Variants in SORBS2 observed in about 807,000 individuals in gnomAD.
The protein encoded by SORBS2 is sorbin and SH3 domain containing 2, also known as sorbin and SH3 domain-containing protein 2.
SORBS2 carries 46 observed loss-of-function variants against 97.7 expected under a neutral mutation model. The observed-to-expected ratio is 0.47, with a 90% CI of 0.37 to 0.60. The LOEUF (loss-of-function observed/expected upper bound fraction) is 0.60. Among genes scored for constraint, SORBS2 ranks in the 20% least tolerant of loss-of-function variants. The pLI is 0.00. For synonymous variants in SORBS2, 476 were observed against 473.4 expected, an observed-to-expected ratio of 1.01 and a Z score of -0.07; for missense variants, 1,316 against 1,282.3, an observed-to-expected ratio of 1.03 and a Z score of -0.40.
chr4:185,930,455 G>T (rs899477921), intron 1 of SORBS2, among the ~76,000 whole-genome samples: 1 of 151,532 alleles, frequency 6.6e-6, no homozygotes, highest in East Asian at 1.9e-4. Flanking sequence ...CCACCACCAC[G>T]CCCGGCTAAT....
chr4:185,935,655 C>T (rs1162034149), intron 1 of SORBS2, among the ~76,000 whole-genome samples: 1 of 152,108 alleles, frequency 6.6e-6, no homozygotes, highest in Non-Finnish European at 1.5e-5. Flanking sequence ...TAATTATCAC[C>T]AATTTGAAGC....
At chr4:185,926,087 G>C (rs1480999047) in intron 1 of SORBS2, among the ~76,000 whole-genome samples, 2 of 151,998 alleles carry the variant, frequency 1.3e-5, no homozygotes, top group Admixed American at 1.3e-4. Context: ...AGCTGAAACA[G>C]AGCTGGAGAG....
chr4:185,837,519 A>G (rs2099208760), intron 1 of SORBS2, among the ~76,000 whole-genome samples: 1 of 152,246 alleles, frequency 6.6e-6, no homozygotes, highest in Non-Finnish European at 1.5e-5. Flanking sequence ...CGTTAATCAA[A>G]TGCAACTAGG....
chr4:185,806,434 C>CTGTTTTTTTTTTT lies in SORBS2; in HGVS notation c.-337-31069_-337-31068insAAAAAAAAAAACA, dbSNP rs2099153884. Among the ~76,000 whole-genome samples, 38 of 108,150 alleles carry CTGTTTTTTTTTTT rather than the reference C, an allele frequency of 3.5e-4. 15 individuals are homozygous for CTGTTTTTTTTTTT. Among genetic ancestry groups the CTGTTTTTTTTTTT allele is most frequent in the African/African-American group, 1.0e-3 (28 of 27,296 alleles). The allele number at this position is 108,150 out of a possible 152,430, so 71.0% of individuals were successfully genotyped here. ...AGTGGCACAGCTCTTGGCTAGAATCCTATTTTTTTTTTTTTTTTTTTTTTT... is the reference window on the plus strand; with the variant it reads ...AGTGGCACAGCTCTTGGCTAGAATCCTGTTTTTTTTTTTTATTTTTTTTTTTTTTTTTTTTTTT... On this transcript the variant is annotated intron_variant, in intron 1 of 20. Transcript: ENST00000284776.
intron 1 of SORBS2, among the ~76,000 whole-genome samples, chr4:185,938,298 A>G (rs11934657): frequency 0.94 from 142,435 of 151,836 alleles, 66,924 homozygotes; most frequent in East Asian, 1. Context: ...ACGCCTGACC[A>G]AGAAATTATT....
At chr4:185,628,935 C>T (rs1308794699) in intron 5 of SORBS2, among the ~76,000 whole-genome samples, 1 of 152,218 alleles carries the variant, frequency 6.6e-6, no homozygotes, top group Non-Finnish European at 1.5e-5. Flanking sequence ...TATGGCACAG[C>T]ACACTGTGCA....
intron 2 of SORBS2, among the ~76,000 whole-genome samples, chr4:185,744,111 T>C (rs904462041): frequency 3.4e-5 from 5 of 145,996 alleles, no homozygotes; most frequent in African/African-American, 7.6e-5. Flanking sequence ...CTTCTCCCCC[T>C]CCTCCTCCTT....
chr4:185,767,424 C>A (rs1346931894), intron 2 of SORBS2, among the ~76,000 whole-genome samples: 5 of 135,932 alleles, frequency 3.7e-5, no homozygotes, highest in Admixed American at 8.4e-5. Flanking sequence ...GGCGTGAACC[C>A]GGGAGGCGGA....
At chr4:185,951,199 C>T (rs528638760) in intron 1 of SORBS2, among the ~76,000 whole-genome samples, 1 of 152,342 alleles carries the variant, frequency 6.6e-6, no homozygotes, top group South Asian at 2.1e-4. Flanking sequence ...GCTACCACTT[C>T]AGGCACATCA....
At chr4:185,689,114 A>G (rs1172939054) in intron 2 of SORBS2, among the ~76,000 whole-genome samples, 1 of 152,230 alleles carries the variant, frequency 6.6e-6, no homozygotes, top group Non-Finnish European at 1.5e-5. Context: ...TAGGAAGGTT[A>G]ATTATTGAGT....
intron 2 of SORBS2, among the ~76,000 whole-genome samples, chr4:185,683,227 GTTTT>G (rs76783528): frequency 8.7e-6 from 1 of 115,472 alleles, no homozygotes; most frequent in East Asian, 2.5e-4. Flanking sequence ...AGTGTGAAAT[GTTTT>G]TTTTTTCTTT....
At chr4:185,841,775 C>T (rs575446316) in intron 1 of SORBS2, among the ~76,000 whole-genome samples, 1 of 152,262 alleles carries the variant, frequency 6.6e-6, no homozygotes, top group South Asian at 2.1e-4. Context: ...CTGACTTTTG[C>T]TTCTTTAAGG....
chr4:185,627,271 G>A (rs182037753), intron 5 of SORBS2, among the ~76,000 whole-genome samples: 1 of 152,346 alleles, frequency 6.6e-6, no homozygotes, highest in African/African-American at 2.4e-5. Context: ...GCGCAGTGGT[G>A]CAATCACAGC....
At chr4:185,724,634 T>C (rs371747860) in intron 2 of SORBS2, among the ~76,000 whole-genome samples, 1 of 152,256 alleles carries the variant, frequency 6.6e-6, no homozygotes, top group South Asian at 2.1e-4. Context: ...AACAATTTAG[T>C]GTGACCTCAA....
At chr4:185,649,339 T>C (rs971642285) in intron 3 of SORBS2, 128 bp downstream of exon 12, 1 of 731,066 alleles carries the variant, frequency 1.4e-6, no homozygotes, top group Non-Finnish European at 2.1e-6. Context: ...ATATGGTATA[T>C]GTATAGACTA....
chr4:185,635,774 C>T lies in SORBS2; in HGVS notation c.397-5176G>A, dbSNP rs115558178. 6.5e-3 allele frequency among the ~76,000 whole-genome samples: 989 copies of T among 152,292 alleles called. 10 individuals are homozygous for T. Among genetic ancestry groups the T allele is most frequent in the African/African-American group, 0.023 (946 of 41,548 alleles). On this transcript the variant is annotated intron_variant, in intron 4 of 14. Coordinates refer to ENST00000418609, the Ensembl canonical transcript of SORBS2. ...CATGCTGGTGAGTTTCCATGTGTGA[C>T]TGAAAATGATTATGGAAAATGCTGA... is the stretch of plus-strand genomic sequence containing the variant.
intron 4 of SORBS2, among the ~76,000 whole-genome samples, chr4:185,666,815 T>C (rs1340763132): frequency 1.3e-5 from 2 of 152,202 alleles, no homozygotes; most frequent in African/African-American, 2.4e-5. Context: ...AGAGGTACCA[T>C]GTGTGAAAAT....
At chr4:185,631,356 A>T (rs1373001461) in intron 4 of SORBS2, among the ~76,000 whole-genome samples, 3 of 152,242 alleles carry the variant, frequency 2.0e-5, no homozygotes, top group Non-Finnish European at 4.4e-5. Flanking sequence ...GATAATATGA[A>T]TTTTTTATTT....
At chr4:185,759,296 C>T (rs1406485805) in intron 2 of SORBS2, among the ~76,000 whole-genome samples, 1 of 152,178 alleles carries the variant, frequency 6.6e-6, no homozygotes, top group Non-Finnish European at 1.5e-5. Context: ...CAATTACCAA[C>T]CAGAAGGAGT....
Sources: allele counts gnomAD v4.1 joint callset (sites outside exome capture counted in the v4.1 genomes callset), GRCh38; gene constraint gnomAD v4.1.1; transcripts MANE v1.5; gene names NCBI Gene and HGNC (gene_info 2026-07-23, HGNC 2026-07-21).